Variants in TNFSF18 observed in about 807,000 individuals in gnomAD.
TNFSF18 encodes tumor necrosis factor ligand superfamily member 18.
In TNFSF18, 6 loss-of-function variants were observed where a neutral mutation model predicts 9.6. That is an observed-to-expected ratio of 0.63 (90% confidence interval 0.34 to 1.24). The LOEUF is 1.24. Among genes scored for constraint, TNFSF18 ranks in the 50% most tolerant of loss-of-function variants. TNFSF18 has a pLI of 0.03. For synonymous variants in TNFSF18, 68 were observed against 71.7 expected (o/e 0.95, Z 0.26); for missense variants, 210 against 201.0 (o/e 1.04, Z -0.27).
chr1:173,049,114 T>C (rs1665127523), intron 1 of TNFSF18, among the ~76,000 whole-genome samples: 1 of 152,122 alleles, frequency 6.6e-6, no homozygotes, highest in Non-Finnish European at 1.5e-5. Context: ...GAATCAGAGC[T>C]CAAACACATG....
chr1:173,046,734 A>G (rs1665089884), intron 1 of TNFSF18, among the ~76,000 whole-genome samples: 1 of 152,124 alleles, frequency 6.6e-6, no homozygotes, highest in East Asian at 1.9e-4. Flanking sequence ...TGTACATATT[A>G]TTAGTACTTG....
At chr1:173,042,947 G>A (rs147230655) in intron 2 of TNFSF18, among the ~76,000 whole-genome samples, 200 of 152,200 alleles carry the variant, frequency 1.3e-3, no homozygotes, top group Non-Finnish European at 2.2e-3. Context: ...ACCCAGTATC[G>A]CCAATGAGCT....
At position 173,042,355 on chromosome 1, in the gene TNFSF18, A is replaced by T. The variant is rs369892738; in HGVS notation, c.188-642T>A. Among the ~76,000 whole-genome samples the T allele has an allele frequency of 3.5e-4, 53 of 152,230 alleles. 1 individual carries two copies. Among genetic ancestry groups the T allele is most frequent in the African/African-American group, 1.3e-3 (52 of 41,540 alleles). On this transcript the variant is annotated intron_variant, in intron 2 of 2. Transcript: ENST00000404377. Reference sequence around the variant, plus strand: ...TCATTCTTGTATTTTCAGCACCTGAAAAAGTCCCTGGTACCTGGTAGATGT... The same window carrying T: ...TCATTCTTGTATTTTCAGCACCTGATAAAGTCCCTGGTACCTGGTAGATGT...
chr1:173,050,226 T>C (rs1228585362), intron 1 of TNFSF18, among the ~76,000 whole-genome samples: 6 of 152,196 alleles, frequency 3.9e-5, no homozygotes, highest in East Asian at 3.8e-4. Context: ...ATCAAATTTA[T>C]ACAGCTGGTT....
rs1243673846 is a variant in TNFSF18 at position 173,041,530 on chromosome 1, A to T, written c.371T>A (p.Ile124Lys). 2 of 1,613,568 alleles carry T rather than the reference A, an allele frequency of 1.2e-6. No homozygotes were observed. The highest frequency in any genetic ancestry group is 2.2e-5 in the South Asian group (2 of 91,068). Residue 124 changes from isoleucine (I) to lysine (K), a missense_variant, in exon 3 of 3, where the codon ATA becomes AAA. Ile to Lys is a moderately radical substitution (Grantham distance 102). Coordinates refer to ENST00000404377, the MANE Select transcript of TNFSF18 (RefSeq NM_005092.4). ...TTTAGATTTGTTTGTTAGAGTTTGT[A>T]TCATGTCTTTGTTTTTATACAGCCG... ...EVRLYKNKDM[I>K]QTLTNKSKIQ...
Position 173,041,246 on chromosome 1 carries a change from GTTCTGTTTGTGTTGATTT to G in TNFSF18, c.*103_*120del. On this transcript the variant is annotated 3_prime_UTR_variant, in exon 3 of 3. Transcript: ENST00000404377. ...TAGATGAAAATTCACGTGCAGAGGA[GTTCTGTTTGTGTTGATTT>G]TTGTAGACAGACAAACTCTAGAAAT... 1 of 811,842 alleles carries G rather than the reference GTTCTGTTTGTGTTGATTT, an allele frequency of 1.2e-6. No homozygotes were observed. The highest frequency in any genetic ancestry group is 2.7e-5 in the East Asian group (1 of 37,668). The allele number at this position is 811,842 out of a possible 1,614,324, so 50.3% of individuals were successfully genotyped here.
Position 173,041,349 on chromosome 1 carries a change from G to A in TNFSF18, c.*18C>T. 6.4e-7 allele frequency: 1 copy of A among 1,566,142 alleles called. No homozygotes were observed. The highest frequency in any genetic ancestry group is 1.4e-5 in the African/African-American group (1 of 73,828). On this transcript the variant is annotated 3_prime_UTR_variant, in exon 3 of 3. Transcript: ENST00000404377. ...CCTCTACATGTGCTGAAGGGAATGA[G>A]GAGATCAAATCAAGTCTCTAGGAGA...
Position 173,040,251 on chromosome 1 carries a change from G to T in TNFSF18, c.*1116C>A, listed in dbSNP as rs1233461545. ...AAAAAAAAAAAGTGTGCTGGTAAAG[G>T]AAAGATCTGTTGTAGCTTCACTCTG... is the stretch of plus-strand genomic sequence containing the variant. On this transcript the variant is annotated 3_prime_UTR_variant, in exon 3 of 3. Coordinates refer to ENST00000404377, the MANE Select transcript of TNFSF18 (RefSeq NM_005092.4). 1 of 151,866 alleles carries T rather than the reference G, an allele frequency of 6.6e-6. No homozygotes were observed. The allele number at this position is 151,866 out of a possible 1,614,324, so 9.4% of individuals were successfully genotyped here.
intron 2 of TNFSF18, among the ~76,000 whole-genome samples, 167 bp downstream of exon 2, chr1:173,043,772 T>A (rs190692428): frequency 1.6e-4 from 24 of 152,334 alleles, no homozygotes; most frequent in Admixed American, 4.6e-4. Flanking sequence ...CTGGTTTACC[T>A]CTGAAAGCCT....
At position 173,039,291 on chromosome 1, in the gene TNFSF18, A is replaced by G. The variant is rs967501456; in HGVS notation, c.*2076T>C. The stretch of plus-strand genomic sequence containing the variant: ...CAGTATACATTGAAAACAAAAGCTA[A>G]AATTATAACATCAGGAAAATGTAAA... On this transcript the variant is annotated 3_prime_UTR_variant, in exon 3 of 3. Coordinates refer to ENST00000404377, the MANE Select transcript of TNFSF18 (RefSeq NM_005092.4). Among the ~76,000 whole-genome samples, 4 of 152,160 alleles carry G rather than the reference A, an allele frequency of 2.6e-5. No individual in the cohort carries two copies. Among genetic ancestry groups the G allele is most frequent in the African/African-American group, 9.7e-5 (4 of 41,430 alleles).
intron 1 of TNFSF18, among the ~76,000 whole-genome samples, chr1:173,049,577 C>T (rs1252774112): frequency 6.6e-6 from 1 of 152,128 alleles, no homozygotes; most frequent in African/African-American, 2.4e-5. Flanking sequence ...CAAAGCTATA[C>T]CTACTCTAAA....
intron 2 of TNFSF18, 106 bp from the exon 3 acceptor site, chr1:173,041,819 T>TAATGATACGGCGAAC: frequency 1.1e-6 from 1 of 949,790 alleles, no homozygotes; most frequent in Non-Finnish European, 1.5e-6. Context: ...GTTGTTTCTT[T>TAATGATACGGCGAAC]ACCTGATCTA....
At chr1:173,049,797 C>A (rs911863885) in intron 1 of TNFSF18, among the ~76,000 whole-genome samples, 4 of 152,146 alleles carry the variant, frequency 2.6e-5, no homozygotes, top group Non-Finnish European at 5.9e-5. Flanking sequence ...CAGAAATAGG[C>A]TAAATCCTGA....
chr1:173,045,633 T>TTTATTG (rs1665068721), intron 1 of TNFSF18, among the ~76,000 whole-genome samples: 1 of 151,118 alleles, frequency 6.6e-6, no homozygotes, highest in African/African-American at 2.4e-5. Flanking sequence ...AAAGAGGTTT[T>TTTATTG]TTGTTGTTGT....
At position 173,041,434 on chromosome 1, in the gene TNFSF18, T is replaced by G. The variant is rs769164439; in HGVS notation, c.467A>C (p.His156Pro). 2 of 1,613,332 alleles carry G rather than the reference T, an allele frequency of 1.2e-6. No individual in the cohort carries two copies. The highest frequency in any genetic ancestry group is 1.7e-5 in the Admixed American group (1 of 59,908). Residue 156 changes from histidine to proline, a missense_variant, in exon 3 of 3, where the codon CAT becomes CCT. Transcript: ENST00000404377. ...DTIDLIFNSE[H>P]QVLKNNTYWG... ...GTATGTATTATTTTTTAGAACCTGA[T>G]GCTCAGAGTTGAATATCAAGTCTAT...
At chr1:173,043,914 A>G in intron 2 of TNFSF18, 25 bp downstream of exon 2, 1 of 1,606,102 alleles carries the variant, frequency 6.2e-7, no homozygotes, top group Non-Finnish European at 8.5e-7. Context: ...AGAAAAGTAA[A>G]AGACATGCAA....
rs1664970734 is a variant in TNFSF18, at chr1:173,040,390, G to A, written c.*977C>T. The A allele has an allele frequency of 6.6e-6, 1 of 152,142 alleles. No homozygotes were observed. Among genetic ancestry groups the A allele is most frequent in the Non-Finnish European group, 1.5e-5 (1 of 68,006 alleles). 9.4% of individuals were successfully genotyped at this position (152,142 alleles called of 1,614,324 possible). On this transcript the variant is annotated 3_prime_UTR_variant, in exon 3 of 3. Transcript: ENST00000404377. Reference sequence around the variant, plus strand: ...TCTAAAGCTGAGACAGTGCAATGCAGGGGACTACCCATTGCCTCTTGTAGT... The same window carrying A: ...TCTAAAGCTGAGACAGTGCAATGCAAGGGACTACCCATTGCCTCTTGTAGT...
intron 2 of TNFSF18, 26 bp from the exon 3 acceptor site, chr1:173,041,739 AAG>A: frequency 6.6e-7 from 1 of 1,521,264 alleles, no homozygotes; most frequent in Non-Finnish European, 8.9e-7. Context: ...AAGGATAAAA[AAG>A]ATGAAAGCAT....
intron 1 of TNFSF18, among the ~76,000 whole-genome samples, chr1:173,045,955 G>A (rs1308527743): frequency 6.6e-6 from 1 of 152,084 alleles, no homozygotes; most frequent in Non-Finnish European, 1.5e-5. Context: ...AAAATATGGA[G>A]GCAACGTTAT....
Sources: gnomAD v4.1 joint callset for allele counts (sites outside exome capture counted in the v4.1 genomes callset) on GRCh38, gnomAD v4.1.1 for gene constraint, MANE v1.5 for transcripts, NCBI Gene and HGNC (gene_info 2026-07-23, HGNC 2026-07-21) for gene names.